PDZRN4: variants seen among roughly 807,000 people sequenced by gnomAD.
PDZRN4 encodes PDZ domain containing ring finger 4.
PDZRN4 carries 70 observed loss-of-function variants against 99.0 expected under a neutral mutation model. That is an observed-to-expected ratio of 0.71 (90% CI 0.58 to 0.86). PDZRN4 has a LOEUF of 0.86. Among genes scored for constraint, PDZRN4 ranks in the 40% least tolerant of loss-of-function variants. The probability of loss-of-function intolerance (pLI) is 0.00; values close to 1 mark genes in which losing one functional copy is unlikely to be tolerated. For missense variants in PDZRN4, 1,474 were observed against 1,331.2 expected (o/e 1.11, Z -1.67); for synonymous variants, 551 against 501.6 (o/e 1.10, Z -1.32).
At chr12:41,278,980 C>T (rs1448502550) in intron 3 of PDZRN4, among the ~76,000 whole-genome samples, 2 of 152,104 alleles carry the variant, frequency 1.3e-5, no homozygotes, top group African/African-American at 4.8e-5. Flanking sequence ...AGTTAAATAT[C>T]CTGCCATATT....
At chr12:41,446,732 A>G (rs1207911325) in intron 3 of PDZRN4, among the ~76,000 whole-genome samples, 1 of 152,090 alleles carries the variant, frequency 6.6e-6, no homozygotes, top group Non-Finnish European at 1.5e-5. Context: ...TGACCTTAGT[A>G]CAGTGGACAT....
intron 3 of PDZRN4, among the ~76,000 whole-genome samples, chr12:41,323,599 G>A (rs530905310): frequency 1.4e-3 from 218 of 151,874 alleles, no homozygotes; most frequent in African/African-American, 5.1e-3. Flanking sequence ...AATAAGAAGA[G>A]TATAATAAAT....
At chr12:41,411,933 T>C (rs979448469) in intron 3 of PDZRN4, 1 of 152,168 alleles carries the variant, frequency 6.6e-6, no homozygotes, top group Non-Finnish European at 1.5e-5. Context: ...GAGGGCCAAG[T>C]CTGGTCTAGT....
At chr12:41,547,648 T>A (rs1938980460) in intron 5 of PDZRN4, among the ~76,000 whole-genome samples, 1 of 151,920 alleles carries the variant, frequency 6.6e-6, no homozygotes, top group Admixed American at 6.6e-5. Flanking sequence ...AAAAATAAAA[T>A]AAAAACAAAA....
At chr12:41,389,099 A>C (rs1212244123) in intron 3 of PDZRN4, among the ~76,000 whole-genome samples, 1 of 152,172 alleles carries the variant, frequency 6.6e-6, no homozygotes, top group East Asian at 1.9e-4. Context: ...CAGGTACTTA[A>C]GATTATATGA....
intron 3 of PDZRN4, among the ~76,000 whole-genome samples, chr12:41,270,234 C>G (rs150513429): frequency 6.0e-5 from 9 of 151,004 alleles, no homozygotes; most frequent in Non-Finnish European, 1.2e-4. Flanking sequence ...CTGCAATTAT[C>G]TGGGATAATT....
chr12:41,376,767 T>A (rs910176484), intron 3 of PDZRN4, among the ~76,000 whole-genome samples: 4 of 152,224 alleles, frequency 2.6e-5, no homozygotes, highest in Admixed American at 2.0e-4. Context: ...TTTTGTGGTT[T>A]GTGCTTTTAG....
chr12:41,490,609 T>G (rs1370201941), intron 3 of PDZRN4, among the ~76,000 whole-genome samples: 2 of 152,114 alleles, frequency 1.3e-5, no homozygotes, highest in Non-Finnish European at 1.5e-5. Context: ...TATTATTGCA[T>G]TTGTTATATG....
chr12:41,530,099 A>G (rs1938635958), intron 5 of PDZRN4, among the ~76,000 whole-genome samples: 1 of 151,988 alleles, frequency 6.6e-6, no homozygotes, highest in African/African-American at 2.4e-5. Context: ...TAAGACTTCC[A>G]TGGCAGATCT....
intron 5 of PDZRN4, among the ~76,000 whole-genome samples, chr12:41,529,086 G>A (rs572304745): frequency 9.2e-5 from 14 of 152,036 alleles, no homozygotes; most frequent in Non-Finnish European, 1.6e-4. Flanking sequence ...CAGAATCTCC[G>A]CATTTTAGCC....
At chr12:41,552,083 T>C (rs1939066457) in intron 5 of PDZRN4, among the ~76,000 whole-genome samples, 2 of 152,218 alleles carry the variant, frequency 1.3e-5, no homozygotes, top group Admixed American at 1.3e-4. Context: ...GATGAAACCA[T>C]TTCTTTCCAA....
At chr12:41,501,151 C>A (rs1206604593) in intron 3 of PDZRN4, among the ~76,000 whole-genome samples, 3 of 152,110 alleles carry the variant, frequency 2.0e-5, no homozygotes, top group African/African-American at 7.2e-5. Flanking sequence ...ATGGCGCCTT[C>A]TTAAATTTAT....
At chr12:41,420,286 T>C (rs1464782429) in intron 3 of PDZRN4, among the ~76,000 whole-genome samples, 2 of 152,184 alleles carry the variant, frequency 1.3e-5, no homozygotes, top group Non-Finnish European at 2.9e-5. Flanking sequence ...AGATTTGTAC[T>C]CTGTCTCCCT....
Position 41,497,414 on chromosome 12 carries a change from C to T in PDZRN4, c.844-9042C>T, listed in dbSNP as rs115448665. Reference sequence around the variant, plus strand: ...TTGTCTCCATCTGAATTCCTTGTTACGTTTTAAATACTTGGGTCTGATATG... The same window carrying T: ...TTGTCTCCATCTGAATTCCTTGTTATGTTTTAAATACTTGGGTCTGATATG... On this transcript the variant is annotated intron_variant, in intron 3 of 9. Transcript: ENST00000402685. 1.9e-3 allele frequency among the ~76,000 whole-genome samples: 291 copies of T among 152,088 alleles called. 3 individuals carry two copies. The highest frequency in any genetic ancestry group is 6.1e-3 in the African/African-American group (254 of 41,488).
rs922622804 is a variant in PDZRN4, at chr12:41,325,760, A to G, written c.843+131572A>G. 2.4e-5 allele frequency among the ~76,000 whole-genome samples: 3 copies of G among 125,534 alleles called. No homozygotes were observed. The East Asian group carries it at 6.3e-4, about 26-fold the overall frequency. The allele number at this position is 125,534 out of a possible 152,430, so 82.4% of individuals were successfully genotyped here. On this transcript the variant is annotated intron_variant, in intron 3 of 9. Transcript: ENST00000402685. ...ATTAAAAAGTCAGAGTGATTAAAAA[A>G]CACATTTATTTTAGCAAACAAGCAT...
At chr12:41,275,656 A>AT (rs895830702) in intron 3 of PDZRN4, among the ~76,000 whole-genome samples, 7 of 151,062 alleles carry the variant, frequency 4.6e-5, no homozygotes, top group African/African-American at 7.4e-5. Context: ...TATACTGTGG[A>AT]TTTTTTTAAA....
intron 3 of PDZRN4, among the ~76,000 whole-genome samples, chr12:41,335,484 G>A (rs1019326525): frequency 1.3e-5 from 2 of 152,008 alleles, no homozygotes; most frequent in South Asian, 2.1e-4. Context: ...TCTTAGCTAC[G>A]TTAATTATTG....
At chr12:41,387,872 T>C (rs746862577) in intron 3 of PDZRN4, among the ~76,000 whole-genome samples, 1 of 152,182 alleles carries the variant, frequency 6.6e-6, no homozygotes, top group Non-Finnish European at 1.5e-5. Flanking sequence ...AGTGTGATGG[T>C]TCCTCAAGAC....
intron 3 of PDZRN4, among the ~76,000 whole-genome samples, chr12:41,435,674 G>A (rs534324482): frequency 6.6e-6 from 1 of 152,226 alleles, no homozygotes; most frequent in South Asian, 2.1e-4. Flanking sequence ...TGTAATCCCA[G>A]CTACTCAGGA....
Sources: gnomAD v4.1 joint callset for allele counts (sites outside exome capture counted in the v4.1 genomes callset) on GRCh38, gnomAD v4.1.1 for gene constraint, MANE v1.5 for transcripts, NCBI Gene and HGNC (gene_info 2026-07-23, HGNC 2026-07-21) for gene names.